Variants in USH2A observed in about 807,000 individuals in gnomAD.
USH2A encodes Usher syndrome 2A (autosomal recessive, mild).
Under a neutral mutation model 538.9 loss-of-function variants are expected in USH2A, and 443 were observed. The ratio of observed to expected loss-of-function variants is 0.82; its 90% CI spans 0.76 to 0.89. The LOEUF (loss-of-function observed/expected upper bound fraction) is 0.89. Ranked by LOEUF, USH2A falls within the 40% of genes least tolerant of loss-of-function variation. The pLI is 0.00. For missense variants in USH2A, 6,633 were observed against 6,324.8 expected (o/e 1.05, Z -1.65); for synonymous variants, 2,413 against 2,273.5 (o/e 1.06, Z -1.75).
chr1:216,168,559 C>T (rs1382952665), intron 21 of USH2A, among the ~76,000 whole-genome samples: 1 of 152,086 alleles, frequency 6.6e-6, no homozygotes, highest in East Asian at 1.9e-4. Flanking sequence ...AAGATGGTAA[C>T]AGCCTTTTCC....
intron 21 of USH2A, among the ~76,000 whole-genome samples, chr1:216,146,778 C>G (rs1308499068): frequency 6.6e-6 from 1 of 152,088 alleles, no homozygotes; most frequent in East Asian, 1.9e-4. Flanking sequence ...GCTCTCTTTT[C>G]TCAGGGTTTG....
chr1:216,221,187 A>G (rs1299991925), intron 14 of USH2A, among the ~76,000 whole-genome samples: 6 of 152,178 alleles, frequency 3.9e-5, no homozygotes. Context: ...TCTAGTAACA[A>G]GTTAGCTCTT....
At chr1:216,192,659 G>A (rs930614495) in intron 19 of USH2A, among the ~76,000 whole-genome samples, 8 of 151,928 alleles carry the variant, frequency 5.3e-5, no homozygotes, top group East Asian at 3.9e-4. Flanking sequence ...CTGAGATTGC[G>A]CCACTGCACT....
At chr1:216,081,766 T>C (rs1410703317) in intron 26 of USH2A, among the ~76,000 whole-genome samples, 1 of 151,964 alleles carries the variant, frequency 6.6e-6, no homozygotes, top group Non-Finnish European at 1.5e-5. Flanking sequence ...ATTTTTATTT[T>C]TATTTTCATA....
intron 38 of USH2A, among the ~76,000 whole-genome samples, chr1:215,912,688 G>C (rs1363164825): frequency 6.6e-6 from 1 of 151,862 alleles, no homozygotes; most frequent in Non-Finnish European, 1.5e-5. Flanking sequence ...AGGGGTACAT[G>C]TGCAGGTTTG....
rs1553273294 is a variant in USH2A at position 215,888,459 on chromosome 1, A to T, written c.8190T>A (p.Pro2730=). 10 of 1,613,736 alleles carry T rather than the reference A, an allele frequency of 6.2e-6. No individual in the cohort carries two copies. The highest frequency in any genetic ancestry group is 8.5e-6 in the Non-Finnish European group (10 of 1,180,006). The change falls in exon 41 of 72, where the codon CCT becomes CCA. Residue 2730 remains proline (P), a synonymous_variant. Coordinates refer to ENST00000307340, the MANE Select transcript of USH2A (RefSeq NM_206933.4). The part of the protein sequence containing the change: ...RPSRPAGVQP[P]VVTVLEPDAV... ...CATCGGGTTCCAGCACTGTCACCAC[A>T]GGTGGCTGCACCCCAGCAGGTCGTG...
At chr1:215,934,908 T>C in intron 37 of USH2A, 113 bp from the exon 38 acceptor site, 1 of 996,764 alleles carries the variant, frequency 1.0e-6, no homozygotes, top group Non-Finnish European at 1.5e-6. Context: ...GGTCTGTAAC[T>C]TTACCACTCT....
intron 17 of USH2A, 74 bp downstream of exon 17, chr1:216,199,552 TC>T: frequency 4.4e-6 from 7 of 1,608,488 alleles, no homozygotes; most frequent in Non-Finnish European, 5.9e-6. Flanking sequence ...ACTGCCAAAT[TC>T]CTAATTGCAC....
chr1:215,932,968 T>C (rs946478379), intron 38 of USH2A, among the ~76,000 whole-genome samples: 2 of 152,026 alleles, frequency 1.3e-5, no homozygotes, highest in East Asian at 1.9e-4. Flanking sequence ...TCTTGATATA[T>C]GTATAAATAA....
At chr1:216,263,986 T>C (rs544287709) in intron 11 of USH2A, among the ~76,000 whole-genome samples, 1 of 151,978 alleles carries the variant, frequency 6.6e-6, no homozygotes, top group South Asian at 2.1e-4. Context: ...ACAAACTAGG[T>C]AAAAATGAAA....
intron 3 of USH2A, among the ~76,000 whole-genome samples, chr1:216,373,413 T>A (rs890368409): frequency 6.6e-6 from 1 of 152,178 alleles, no homozygotes. Flanking sequence ...CTCTGTCCAT[T>A]TTCTCTTTTC....
chr1:215,770,484 C>T (rs1661246406), intron 55 of USH2A, among the ~76,000 whole-genome samples: 1 of 151,896 alleles, frequency 6.6e-6, no homozygotes, highest in Non-Finnish European at 1.5e-5. Flanking sequence ...AAAAAATACC[C>T]AACAGACAAA....
chr1:215,980,371 C>T (rs1329859360), intron 35 of USH2A, among the ~76,000 whole-genome samples: 1 of 152,132 alleles, frequency 6.6e-6, no homozygotes, highest in African/African-American at 2.4e-5. Flanking sequence ...CATTCAGACT[C>T]TACAGTGCAT....
At chr1:215,698,629 A>T (rs1260519357) in intron 61 of USH2A, among the ~76,000 whole-genome samples, 1 of 152,186 alleles carries the variant, frequency 6.6e-6, no homozygotes, top group African/African-American at 2.4e-5. Context: ...TTCTTTTGAA[A>T]AGTGTCTGTT....
intron 64 of USH2A, among the ~76,000 whole-genome samples, chr1:215,664,525 T>C (rs1282856393): frequency 2.0e-5 from 3 of 152,228 alleles, no homozygotes. Context: ...CAAAAACCAA[T>C]CAAGAGAAGA....
chr1:216,346,104 T>C (rs1321488518), intron 4 of USH2A, among the ~76,000 whole-genome samples: 1 of 152,124 alleles, frequency 6.6e-6, no homozygotes, highest in Non-Finnish European at 1.5e-5. Flanking sequence ...CAATGGTCTG[T>C]CTTGAATTTT....
chr1:216,093,594 T>G (rs2032358347), intron 22 of USH2A, among the ~76,000 whole-genome samples: 1 of 152,084 alleles, frequency 6.6e-6, no homozygotes, highest in African/African-American at 2.4e-5. Flanking sequence ...TCCTACAGAG[T>G]CTTAAGGTAT....
At chr1:216,352,137 G>C (rs1245564831) in intron 4 of USH2A, among the ~76,000 whole-genome samples, 1 of 152,100 alleles carries the variant, frequency 6.6e-6, no homozygotes, top group Admixed American at 6.6e-5. Context: ...TTTATATTTG[G>C]AGGTCAAGTC....
intron 9 of USH2A, among the ~76,000 whole-genome samples, chr1:216,302,291 G>C (rs565869830): frequency 3.8e-4 from 58 of 152,226 alleles, no homozygotes; most frequent in African/African-American, 1.3e-3. Context: ...CACATTACAG[G>C]ACTGTACTTT....
Sources: gnomAD v4.1 joint callset for allele counts (sites outside exome capture counted in the v4.1 genomes callset) on GRCh38, gnomAD v4.1.1 for gene constraint, MANE v1.5 for transcripts, NCBI Gene and HGNC (gene_info 2026-07-23, HGNC 2026-07-21) for gene names.